Variants in ZBED4 observed in about 807,000 individuals in gnomAD.
The protein encoded by ZBED4 is zinc finger BED domain-containing protein 4.
In ZBED4, 4 loss-of-function variants were observed where a neutral mutation model predicts 15.5. The ratio of observed to expected loss-of-function variants is 0.26; its 90% confidence interval spans 0.13 to 0.59. The LOEUF (loss-of-function observed/expected upper bound fraction) is 0.59, where lower values mean the gene tolerates loss of function less well. Among genes scored for constraint, ZBED4 ranks in the 20% least tolerant of loss-of-function variants. ZBED4 has a pLI of 0.90. For synonymous variants in ZBED4, 692 were observed against 608.5 expected (o/e 1.14, Z -2.02); for missense variants, 1,323 against 1,461.8 (o/e 0.91, Z 1.55).
intron 1 of ZBED4, among the ~76,000 whole-genome samples, chr22:49,854,995 A>T (rs1601778716): frequency 1.3e-5 from 2 of 151,540 alleles, no homozygotes; most frequent in Admixed American, 1.3e-4. Context: ...TTTGGTTGGG[A>T]TTTTTTTTTA....
In ZBED4 at chr22:49,884,312, C is replaced by T. The variant is rs765549684; in HGVS notation, c.650C>T (p.Pro217Leu). 1.4e-5 allele frequency: 23 copies of T among 1,613,656 alleles called. No individual in the cohort carries two copies. Among genetic ancestry groups the T allele is most frequent in the South Asian group, 6.6e-5 (6 of 91,030 alleles). Residue 217 changes from proline to leucine, a missense_variant, in exon 2 of 2, where the codon CCG (proline) becomes CTG (leucine). Around this residue, in one of 6 missense-constraint regions of ZBED4, gnomAD observed 380 missense variants for 413.7 expected, o/e 0.92. Coordinates refer to ENST00000216268, the MANE Select transcript of ZBED4 (RefSeq NM_014838.3). ...GTCCAGAAAGTGGCGTCTAAGATCC[C>T]GTCCCCCGATCGAATAACAGAGGAG... ...KLVQKVASKI[P>L]SPDRITEESV...
rs1445072570 is a variant in ZBED4, at chr22:49,885,137, T to G, written c.1475T>G (p.Val492Gly). 1 of 1,612,536 alleles carries G rather than the reference T, an allele frequency of 6.2e-7. No homozygotes were observed. The highest frequency in any genetic ancestry group is 8.5e-7 in the Non-Finnish European group (1 of 1,179,724). ...ATCAGCCGGGGGAAGAAGGGTGATG[T>G]GGGCACCAGCTGCCTGATGAGACAT... ...CAISRGKKGDVGTSCLMRHLY... is the reference protein window; with the variant it reads ...CAISRGKKGDGGTSCLMRHLY... Residue 492 changes from valine to glycine, a missense_variant, in exon 2 of 2, where the codon GTG (valine) becomes GGG (glycine). Physicochemically the swap from Val to Gly is moderately radical, Grantham distance 109 (BLOSUM62 -3). Coordinates refer to ENST00000216268, the MANE Select transcript of ZBED4 (RefSeq NM_014838.3).
At chr22:49,867,657 C>A (rs549864894) in intron 1 of ZBED4, among the ~76,000 whole-genome samples, 2 of 152,214 alleles carry the variant, frequency 1.3e-5, no homozygotes, top group African/African-American at 4.8e-5. Context: ...TACCTGTTGG[C>A]TACTTGGGGA....
intron 1 of ZBED4, among the ~76,000 whole-genome samples, chr22:49,866,233 T>C (rs1325950250): frequency 1.3e-5 from 2 of 152,222 alleles, no homozygotes; most frequent in African/African-American, 2.4e-5. Flanking sequence ...CAATTTCTAA[T>C]TCAGGAAAGG....
At chr22:49,880,918 T>C (rs756625981) in intron 1 of ZBED4, among the ~76,000 whole-genome samples, 2 of 152,226 alleles carry the variant, frequency 1.3e-5, no homozygotes, top group African/African-American at 2.4e-5. Context: ...TTTTGCAGCT[T>C]TCAGTATACA....
At chr22:49,865,055 T>C (rs2060315596) in intron 1 of ZBED4, among the ~76,000 whole-genome samples, 1 of 150,728 alleles carries the variant, frequency 6.6e-6, no homozygotes, top group Non-Finnish European at 1.5e-5. Flanking sequence ...CGGGTCTCAC[T>C]AAGGGCAGGG....
intron 1 of ZBED4, among the ~76,000 whole-genome samples, chr22:49,861,477 A>G (rs2060297080): frequency 6.6e-6 from 1 of 151,954 alleles, no homozygotes; most frequent in Non-Finnish European, 1.5e-5. Flanking sequence ...TCTGTTGCCC[A>G]GGCTGGAGTG....
At chr22:49,858,911 T>A (rs888065024) in intron 1 of ZBED4, among the ~76,000 whole-genome samples, 1 of 152,170 alleles carries the variant, frequency 6.6e-6, no homozygotes, top group Non-Finnish European at 1.5e-5. Flanking sequence ...AGGCCTGATT[T>A]GATACAGGGG....
At chr22:49,855,811 TAG>T (rs58175350) in intron 1 of ZBED4, among the ~76,000 whole-genome samples, 9,301 of 152,288 alleles carry the variant, frequency 0.061, 377 homozygotes, top group South Asian at 0.18. Context: ...AGCCCTGGGG[TAG>T]AGGCCAAGCT....
At position 49,872,772 on chromosome 22, in the gene ZBED4, G is replaced by A. The variant is rs538627671; in HGVS notation, c.-329-10562G>A. On this transcript the variant is annotated intron_variant, in intron 1 of 1. Transcript: ENST00000216268. Reference sequence around the variant, plus strand: ...CAGGCTGGAGTGCAGTGACGTGATCGCGGCTCACTGCAACCTCTGCCTCCC... The same window carrying A: ...CAGGCTGGAGTGCAGTGACGTGATCACGGCTCACTGCAACCTCTGCCTCCC... Among the ~76,000 whole-genome samples, 13 of 151,328 alleles carry A rather than the reference G, an allele frequency of 8.6e-5. No individual in the cohort carries two copies. The South Asian group carries it at 1.9e-3, about 22-fold the overall frequency.
intron 1 of ZBED4, among the ~76,000 whole-genome samples, chr22:49,868,007 A>G (rs2060329842): frequency 6.6e-6 from 1 of 152,216 alleles, no homozygotes; most frequent in South Asian, 2.1e-4. Context: ...AACATTCAGA[A>G]TTCAAAGTAC....
intron 1 of ZBED4, among the ~76,000 whole-genome samples, chr22:49,863,183 G>T (rs911683200): frequency 6.6e-6 from 1 of 152,076 alleles, no homozygotes; most frequent in Admixed American, 6.6e-5. Context: ...TGTTTGGTTG[G>T]TTGGTTGGTT....
At chr22:49,864,946 C>CG (rs1555922784) in intron 1 of ZBED4, among the ~76,000 whole-genome samples, 2,518 of 56,380 alleles carry the variant, frequency 0.045, 168 homozygotes, top group Non-Finnish European at 0.06. Context: ...AGCCCCCCCC[C>CG]CCCCCCGTGA....
intron 1 of ZBED4, among the ~76,000 whole-genome samples, chr22:49,875,798 A>G (rs1220340973): frequency 1.3e-5 from 2 of 152,166 alleles, no homozygotes; most frequent in Non-Finnish European, 2.9e-5. Context: ...TTATATATGT[A>G]GGATCTGTAG....
rs2060451104 is a variant in ZBED4, at chr22:49,888,346, G to A, written c.*1168G>A. 1 of 166,964 alleles carries A rather than the reference G, an allele frequency of 6.0e-6. No individual in the cohort carries two copies. The highest frequency in any genetic ancestry group is 2.1e-4 in the South Asian group (1 of 4,828). The allele number at this position is 166,964 out of a possible 1,614,324, so 10.3% of individuals were successfully genotyped here. On this transcript the variant is annotated 3_prime_UTR_variant, in exon 2 of 2. Coordinates refer to ENST00000216268, the MANE Select transcript of ZBED4 (RefSeq NM_014838.3). ...AGAAAAGTTGTTTTGTTGAAATACT[G>A]TACGTACGCTTAATCTAAATTTGCA...
chr22:49,854,045 A>G (rs1208350910), intron 1 of ZBED4, 56 bp downstream of exon 1: 1 of 139,618 alleles, frequency 7.2e-6, no homozygotes, highest in Admixed American at 7.0e-5. Flanking sequence ...TCCCCCGCGG[A>G]CCGCGCCGGG....
intron 1 of ZBED4, among the ~76,000 whole-genome samples, chr22:49,870,211 T>C (rs1449218618): frequency 6.6e-6 from 1 of 152,252 alleles, no homozygotes; most frequent in Non-Finnish European, 1.5e-5. Context: ...CACATTTTCC[T>C]TATCCAGTCC....
chr22:49,870,663 AATGGG>A (rs1318562991), intron 1 of ZBED4, among the ~76,000 whole-genome samples: 1 of 151,410 alleles, frequency 6.6e-6, no homozygotes, highest in African/African-American at 2.4e-5. Flanking sequence ...CTTGCTTTTT[AATGGG>A]GTTATTTTAT....
At chr22:49,873,371 A>G (rs1266276916) in intron 1 of ZBED4, among the ~76,000 whole-genome samples, 1 of 152,136 alleles carries the variant, frequency 6.6e-6, no homozygotes, top group East Asian at 1.9e-4. Context: ...GAGACGGGGA[A>G]CTGCTGGTTG....
Sources: gnomAD v4.1 joint callset for allele counts (sites outside exome capture counted in the v4.1 genomes callset) on GRCh38, gnomAD v4.1.1 for gene constraint, gnomAD v4.1.1 regional missense constraint, MANE v1.5 for transcripts, NCBI Gene and HGNC (gene_info 2026-07-23, HGNC 2026-07-21) for gene names.